CTSE: variants seen among roughly 807,000 people sequenced by gnomAD.
CTSE encodes the protein erythrocyte membrane aspartic proteinase.
In CTSE, 43 loss-of-function variants were observed where a neutral mutation model predicts 42.8. The ratio of observed to expected loss-of-function variants is 1.01; its 90% CI spans 0.79 to 1.30. CTSE has a LOEUF of 1.30. CTSE is among the 50% of genes most tolerant of loss of function. The pLI, the probability that CTSE is intolerant of heterozygous loss-of-function variation, is 0.00. For synonymous variants in CTSE, 205 were observed against 191.5 expected (o/e 1.07, Z -0.58); for missense variants, 532 against 493.5 (o/e 1.08, Z -0.74).
Position 206,009,904 on chromosome 1 carries a change from T to A in CTSE, c.*279A>T. ...AGATTTTCATAATCAAATGTGAAAA[T>A]TTTTGATTTTCATAATCAAAAATCA... On this transcript the variant is annotated 3_prime_UTR_variant, in exon 9 of 9. Coordinates refer to ENST00000358184, the MANE Select transcript of CTSE (RefSeq NM_001910.4). 2 of 427,556 alleles carry A rather than the reference T, an allele frequency of 4.7e-6. No homozygotes were observed. Among genetic ancestry groups the A allele is most frequent in the Non-Finnish European group, 8.5e-6 (2 of 233,976 alleles). The allele number at this position is 427,556 out of a possible 1,614,324, so 26.5% of individuals were successfully genotyped here. A position where few individuals can be genotyped will look rare whatever the true frequency, so the allele number is the denominator to read the frequency against.
Position 206,012,698 on chromosome 1 carries a change from A to G in CTSE, c.786-49T>C, listed in dbSNP as rs782329560. ...GCCCACCTTCCCTCCCCCGGCTCCT[A>G]GGAAACTCCCACTCTTTTTTGGCCT... On this transcript the variant is annotated intron_variant, in intron 6 of 8. Transcript: ENST00000358184. The G allele has an allele frequency of 1.0e-5, 16 of 1,596,584 alleles. No individual in the cohort carries two copies. The African/African-American group carries it at 1.1e-4, about 11-fold the overall frequency.
At chr1:206,023,194 A>T in intron 1 of CTSE, 137 bp from the exon 2 acceptor site, 1 of 891,424 alleles carries the variant, frequency 1.1e-6, no homozygotes, top group Non-Finnish European at 1.7e-6. Flanking sequence ...CGCAGGATAC[A>T]GGTGGGATCA....
chr1:206,010,629 T>A (rs1435691795), intron 8 of CTSE, among the ~76,000 whole-genome samples: 1 of 152,138 alleles, frequency 6.6e-6, no homozygotes, highest in Non-Finnish European at 1.5e-5. Flanking sequence ...CCTACCCCTG[T>A]CACCATCATT....
chr1:206,018,134 T>C (rs569293427), intron 4 of CTSE, among the ~76,000 whole-genome samples: 1 of 152,132 alleles, frequency 6.6e-6, no homozygotes, highest in South Asian at 2.1e-4. Context: ...TTAAGGGAGT[T>C]ACTTTCTACT....
chr1:206,021,390 C>A, intron 3 of CTSE: 1 of 536,472 alleles, frequency 1.9e-6, no homozygotes, highest in Non-Finnish European at 3.3e-6. Context: ...CCTGAGCAAA[C>A]CTGATTGTCC....
In CTSE at chr1:206,016,694, T is replaced by G. The variant is rs149348268; in HGVS notation, c.463-564A>C. ...CTGGCACTATTTAATAAATATACCA[T>G]CATTTCCTCCACATACTGCAGTATC... On this transcript the variant is annotated intron_variant, in intron 4 of 8. Transcript: ENST00000358184. Among the ~76,000 whole-genome samples, 1,354 of 152,278 alleles carry G rather than the reference T, an allele frequency of 8.9e-3. 21 individuals carry two copies. Among genetic ancestry groups the G allele is most frequent in the African/African-American group, 0.03 (1,265 of 41,592 alleles).
chr1:206,012,051 C>T (rs1661114675), intron 8 of CTSE, among the ~76,000 whole-genome samples: 1 of 152,086 alleles, frequency 6.6e-6, no homozygotes, highest in Admixed American at 6.5e-5. Context: ...CCCTACATGG[C>T]AATATCAGAA....
chr1:206,023,858 G>A lies in CTSE; in HGVS notation c.-67C>T, dbSNP rs1011313716. 1.2e-4 allele frequency: 176 copies of A among 1,529,518 alleles called. 1 individual carries two copies. Among genetic ancestry groups the A allele is most frequent in the Non-Finnish European group, 1.3e-4 (144 of 1,107,014 alleles). The allele number at this position is 1,529,518 out of a possible 1,614,324, so 94.7% of individuals were successfully genotyped here. On this transcript the variant is annotated 5_prime_UTR_variant, in exon 1 of 9. Coordinates refer to ENST00000358184, the MANE Select transcript of CTSE (RefSeq NM_001910.4). The stretch of plus-strand genomic sequence containing the variant: ...TTCTCTCCCCGAGGGCAGTGGGAAC[G>A]GACTTTCCCTAACTCTCAGACCTGC...
In CTSE at chr1:206,012,519, C is replaced by CG. The variant is rs1661135388; in HGVS notation, c.915dup (p.Val306ArgfsTer13). ...AGGCAGGCACTCACTTCTCCATCCA[C>CG]GGGGGCTGCCCCAATGGCGTTTTGC... On this transcript the variant is annotated frameshift_variant, in exon 7 of 9. Transcript: ENST00000358184. LOFTEE classifies it high-confidence loss of function. 6.2e-7 allele frequency: 1 copy of CG among 1,613,896 alleles called. No individual in the cohort carries two copies. The highest frequency in any genetic ancestry group is 8.5e-7 in the Non-Finnish European group (1 of 1,179,944).
chr1:206,016,955 T>G (rs1661280638), intron 4 of CTSE, among the ~76,000 whole-genome samples: 1 of 152,106 alleles, frequency 6.6e-6, no homozygotes, highest in South Asian at 2.1e-4. Flanking sequence ...TTGTTTTGAT[T>G]GGAATAAAAT....
In CTSE at chr1:206,022,191, T is replaced by A; in HGVS notation, c.302A>T (p.Asn101Ile). The A allele has an allele frequency of 1.2e-6, 2 of 1,612,568 alleles. No homozygotes were observed. Among genetic ancestry groups the A allele is most frequent in the Non-Finnish European group, 1.7e-6 (2 of 1,179,088 alleles). Reference protein sequence around the residue: ...FTVIFDTGSSNLWVPSVYCTS... With the variant: ...FTVIFDTGSSILWVPSVYCTS... ...GCAGTACACAGAGGGGACCCAGAGG[T>A]TGGAGGAGCCAGTGTCGAAGATGAC... Residue 101 changes from asparagine (N) to isoleucine (I), a missense_variant, in exon 3 of 9, where the codon AAC (asparagine) becomes ATC (isoleucine). Physicochemically the swap from Asn to Ile is moderately radical, Grantham distance 149. Coordinates refer to ENST00000358184, the MANE Select transcript of CTSE (RefSeq NM_001910.4).
rs1661491045 is a variant in CTSE, at chr1:206,023,032, G to C, written c.94C>G (p.Leu32Val). The C allele has an allele frequency of 6.2e-7, 1 of 1,613,024 alleles. No individual in the cohort carries two copies. Among genetic ancestry groups the C allele is most frequent in the Admixed American group, 1.7e-5 (1 of 59,960 alleles). Residue 32 changes from leucine to valine, a missense_variant, in exon 2 of 9, where the codon CTC becomes GTC. Physicochemically the swap from Leu to Val is conservative, Grantham distance 32. Coordinates refer to ENST00000358184, the MANE Select transcript of CTSE (RefSeq NM_001910.4). ...CTCCGTGCCCGCAGCTTCTTCTTGAGGGACGGATGCCTCCTGAGGGGCACC... is the reference window on the plus strand; with the variant it reads ...CTCCGTGCCCGCAGCTTCTTCTTGACGGACGGATGCCTCCTGAGGGGCACC... ...HRVPLRRHPS[L>V]KKKLRARSQL...
intron 1 of CTSE, among the ~76,000 whole-genome samples, chr1:206,023,491 C>T (rs1414365645): frequency 6.6e-6 from 1 of 151,964 alleles, no homozygotes; most frequent in African/African-American, 2.4e-5. Flanking sequence ...AAGAAGACCC[C>T]TGGGACTTGG....
chr1:206,022,379 C>T (rs1449617940), intron 2 of CTSE, 112 bp from the exon 3 acceptor site: 2 of 677,616 alleles, frequency 3.0e-6, no homozygotes, highest in African/African-American at 3.6e-5. Flanking sequence ...GTAATACAGA[C>T]TGGAGTTTAC....
Position 206,022,981 on chromosome 1 carries a change from G to A in CTSE, c.145C>T (p.His49Tyr). The part of the protein sequence containing the change: ...RSQLSEFWKS[H>Y]NLDMIQFTES... ...GTGAACTGGATCATGTCCAAATTAT[G>A]GGATTTCCAGAACTCAGAGAGCTGG... Residue 49 changes from histidine to tyrosine, a missense_variant, in exon 2 of 9, where the codon CAT becomes TAT. His to Tyr is a moderately conservative substitution (Grantham distance 83). Transcript: ENST00000358184. The A allele has an allele frequency of 6.2e-7, 1 of 1,612,376 alleles. No homozygotes were observed. Among genetic ancestry groups the A allele is most frequent in the Non-Finnish European group, 8.5e-7 (1 of 1,178,996 alleles).
chr1:206,013,073 G>A (rs1661161544), intron 6 of CTSE, among the ~76,000 whole-genome samples: 1 of 151,528 alleles, frequency 6.6e-6, no homozygotes, highest in Non-Finnish European at 1.5e-5. Context: ...AATAGACAGT[G>A]AGCATTGAGG....
rs1174110153 is a variant in CTSE, at chr1:206,020,173, G to GATATTAT, written c.462+869_462+875dup. Reference sequence around the variant, plus strand: ...TGTATATTACATATATTCATATATGGATATTATATATTATATATTATATAT... The same window carrying GATATTAT: ...TGTATATTACATATATTCATATATGGATATTATATATTATATATTATATATTATATAT... On this transcript the variant is annotated intron_variant, in intron 4 of 8. Coordinates refer to ENST00000358184, the MANE Select transcript of CTSE (RefSeq NM_001910.4). Among the ~76,000 whole-genome samples the GATATTAT allele has an allele frequency of 4.1e-5, 6 of 146,772 alleles. No homozygotes were observed. The South Asian group carries it at 8.5e-4, about 21-fold the overall frequency.
intron 2 of CTSE, among the ~76,000 whole-genome samples, chr1:206,022,515 TA>T (rs1335160678): frequency 6.6e-6 from 1 of 152,114 alleles, no homozygotes; most frequent in Non-Finnish European, 1.5e-5. Context: ...ACCTGATTCT[TA>T]TAAATACATT....
At chr1:206,018,010 A>G (rs1661309499) in intron 4 of CTSE, among the ~76,000 whole-genome samples, 1 of 151,924 alleles carries the variant, frequency 6.6e-6, no homozygotes. Context: ...AAGTGGTGAG[A>G]TTGAGTGTCC....
Sources: allele counts gnomAD v4.1 joint callset (sites outside exome capture counted in the v4.1 genomes callset), GRCh38; gene constraint gnomAD v4.1.1; transcripts MANE v1.5; gene names NCBI Gene and HGNC (gene_info 2026-07-23, HGNC 2026-07-21).